ARGLU1: variants seen among roughly 807,000 people sequenced by gnomAD.
ARGLU1 encodes the protein arginine and glutamate rich 1.
ARGLU1 carries 9 observed loss-of-function variants against 37.6 expected under a neutral mutation model. The observed-to-expected ratio is 0.24, with a 90% CI of 0.14 to 0.42. ARGLU1 has a LOEUF of 0.42. Among genes scored for constraint, ARGLU1 ranks in the 10% least tolerant of loss-of-function variants. The probability of loss-of-function intolerance (pLI) is 1.00; values close to 1 mark genes in which losing one functional copy is unlikely to be tolerated. For missense variants in ARGLU1, 211 were observed against 359.2 expected, an observed-to-expected ratio of 0.59 and a Z score of 3.34; for synonymous variants, 166 against 138.5, an observed-to-expected ratio of 1.20 and a Z score of -1.39.
In ARGLU1 at chr13:106,549,149, A is replaced by T. The variant is rs180908483; in HGVS notation, c.658-4989T>A. 5.9e-5 allele frequency among the ~76,000 whole-genome samples: 9 copies of T among 152,350 alleles called. No homozygotes were observed. The South Asian group carries it at 8.3e-4, about 14-fold the overall frequency. On this transcript the variant is annotated intron_variant, in intron 3 of 3. Coordinates refer to ENST00000400198, the MANE Select transcript of ARGLU1 (RefSeq NM_018011.4). Reference sequence around the variant, plus strand: ...AACTGTCCATAAATTTAATCAAGGTAGTTCTTAGCAACAGTCCCTTTAGCA... The same window carrying T: ...AACTGTCCATAAATTTAATCAAGGTTGTTCTTAGCAACAGTCCCTTTAGCA...
intron 3 of ARGLU1, among the ~76,000 whole-genome samples, chr13:106,556,586 T>C (rs1014505190): frequency 2.0e-5 from 3 of 152,148 alleles, no homozygotes; most frequent in African/African-American, 7.2e-5. Flanking sequence ...TACCGAAGAC[T>C]CTGTATTTCT....
At chr13:106,553,381 T>C (rs1880582537) in intron 3 of ARGLU1, among the ~76,000 whole-genome samples, 1 of 152,212 alleles carries the variant, frequency 6.6e-6, no homozygotes, top group South Asian at 2.1e-4. Context: ...TCCAACAACT[T>C]GGACATTTCT....
chr13:106,565,025 T>C (rs7320955), intron 1 of ARGLU1, among the ~76,000 whole-genome samples: 48,020 of 152,042 alleles, frequency 0.32, 7,901 homozygotes, highest in African/African-American at 0.39. Context: ...CTCTTTTCCA[T>C]TCCAACAACC....
chr13:106,548,015 G>A (rs575227238), intron 3 of ARGLU1, among the ~76,000 whole-genome samples: 9 of 152,198 alleles, frequency 5.9e-5, no homozygotes, highest in Admixed American at 2.6e-4. Flanking sequence ...GATTTTCTCC[G>A]GGACTACGGC....
intron 1 of ARGLU1, 42 bp from the exon 2 acceptor site, chr13:106,559,699 TA>T: frequency 2.6e-6 from 4 of 1,558,868 alleles, no homozygotes; most frequent in Non-Finnish European, 2.6e-6. Flanking sequence ...TATTTACTTT[TA>T]AAACTATAAA....
chr13:106,542,214 C>T lies in ARGLU1; in HGVS notation c.*1782G>A, dbSNP rs937487210. On this transcript the variant is annotated 3_prime_UTR_variant, in exon 4 of 4. Transcript: ENST00000400198. ...CTCTTTAGATACAATGTTTTGAACACTTGTATAGAACAGTTTTTAAATAAA... is the reference window on the plus strand; with the variant it reads ...CTCTTTAGATACAATGTTTTGAACATTTGTATAGAACAGTTTTTAAATAAA... 3 of 151,590 alleles carry T rather than the reference C, an allele frequency of 2.0e-5. No homozygotes were observed. Among genetic ancestry groups the T allele is most frequent in the Admixed American group, 6.6e-5 (1 of 15,228 alleles). The allele number at this position is 151,590 out of a possible 1,614,324, so 9.4% of individuals were successfully genotyped here.
chr13:106,567,955 C>T lies in ARGLU1; in HGVS notation c.-36G>A. On this transcript the variant is annotated 5_prime_UTR_variant, in exon 1 of 4. Transcript: ENST00000400198. This position sits in a 1 kb window ranked among gnomAD's most constrained non-coding sequence, Gnocchi z 4.3. ...GACGCTCTAACCGCTCGCCTCAGGC[C>T]CCTCACGCGGCCAGTTCCCCTCGCC... 1 of 1,562,222 alleles carries T rather than the reference C, an allele frequency of 6.4e-7. No individual in the cohort carries two copies.
rs112577744 is a variant in ARGLU1 at position 106,552,750 on chromosome 13, A to C, written c.657+4298T>G. On this transcript the variant is annotated intron_variant, in intron 3 of 3. Coordinates refer to ENST00000400198, the MANE Select transcript of ARGLU1 (RefSeq NM_018011.4). ...CATTGTATTAACCCTTCAAATACCT[A>C]AAGATAGTTATGTGTCGCCAACACT... Among the ~76,000 whole-genome samples, 372 of 152,338 alleles carry C rather than the reference A, an allele frequency of 2.4e-3. 3 individuals carry two copies. Among genetic ancestry groups the C allele is most frequent in the Non-Finnish European group, 4.4e-3 (297 of 68,028 alleles).
chr13:106,552,379 T>C (rs913530684), intron 3 of ARGLU1, among the ~76,000 whole-genome samples: 2 of 152,200 alleles, frequency 1.3e-5, no homozygotes, highest in Non-Finnish European at 2.9e-5. Flanking sequence ...TTGACCAGTA[T>C]GTTACCTAAA....
chr13:106,564,359 T>C (rs1180340047), intron 1 of ARGLU1, among the ~76,000 whole-genome samples: 1 of 152,208 alleles, frequency 6.6e-6, no homozygotes, highest in Non-Finnish European at 1.5e-5. Flanking sequence ...AGACAGATTA[T>C]CTCCATTTCA....
intron 3 of ARGLU1, among the ~76,000 whole-genome samples, chr13:106,546,784 T>A (rs1257544975): frequency 6.6e-6 from 1 of 152,144 alleles, no homozygotes; most frequent in Admixed American, 6.5e-5. Context: ...ATAAAGAACA[T>A]CACAACCTTA....
chr13:106,567,365 CA>C lies in ARGLU1; in HGVS notation c.347+207del, dbSNP rs1880997886. Reference sequence around the variant, plus strand: ...AAGCCCTCGAATTTTCCATCCCGAACAACTTCTGGGTCTGTCCCACCCCAAG... The same window carrying C: ...AAGCCCTCGAATTTTCCATCCCGAACACTTCTGGGTCTGTCCCACCCCAAG... On this transcript the variant is annotated intron_variant, in intron 1 of 3. Coordinates refer to ENST00000400198, the MANE Select transcript of ARGLU1 (RefSeq NM_018011.4). The surrounding 1 kb of genome is among the most constrained non-coding windows in gnomAD (Gnocchi z 4.3). Among the ~76,000 whole-genome samples the C allele has an allele frequency of 6.6e-6, 1 of 152,074 alleles. No individual in the cohort carries two copies. The highest frequency in any genetic ancestry group is 2.4e-5 in the African/African-American group (1 of 41,422).
At chr13:106,549,823 A>C (rs1659103697) in intron 3 of ARGLU1, among the ~76,000 whole-genome samples, 1 of 152,230 alleles carries the variant, frequency 6.6e-6, no homozygotes. Context: ...CTGTTTCAAA[A>C]GGAGGAAGTG....
Position 106,559,732 on chromosome 13 carries a change from G to C in ARGLU1, c.348-75C>G, listed in dbSNP as rs1312675240. ...TAAATTTAAACAAAACTAGTTTTAA[G>C]TCTATCAAGCCATTGAGCCTGATAT... On this transcript the variant is annotated intron_variant, in intron 1 of 3. Coordinates refer to ENST00000400198, the MANE Select transcript of ARGLU1 (RefSeq NM_018011.4). The C allele has an allele frequency of 2.1e-6, 3 of 1,462,592 alleles. No individual in the cohort carries two copies. The Admixed American group carries it at 6.5e-5, about 32-fold the overall frequency. The allele number at this position is 1,462,592 out of a possible 1,614,324, so 90.6% of individuals were successfully genotyped here. A position where few individuals can be genotyped will look rare whatever the true frequency, so the allele number is the denominator to read the frequency against.
rs1441330720 is a variant in ARGLU1 at position 106,557,392 on chromosome 13, A to C, written c.574-261T>G. The C allele has an allele frequency of 6.8e-6, 4 of 588,326 alleles. No individual in the cohort carries two copies. The highest frequency in any genetic ancestry group is 1.1e-5 in the Non-Finnish European group (4 of 380,230). 36.4% of individuals were successfully genotyped at this position (588,326 alleles called of 1,614,324 possible). A position where few individuals can be genotyped will look rare whatever the true frequency, so the allele number is the denominator to read the frequency against. ...CCTGGCAATTATTACTAATACTTTAATATCACACAAATCAACAAGGACAAC... is the reference window on the plus strand; with the variant it reads ...CCTGGCAATTATTACTAATACTTTACTATCACACAAATCAACAAGGACAAC... On this transcript the variant is annotated intron_variant, in intron 2 of 3. Transcript: ENST00000400198. The surrounding 1 kb of genome is among the most constrained non-coding windows in gnomAD (Gnocchi z 5.0).
At position 106,565,796 on chromosome 13, in the gene ARGLU1, T is replaced by C. The variant is rs554659260; in HGVS notation, c.347+1777A>G. ...GTCCCTTCTCCCTCCTAAATACTAT[T>C]GGCAGTTTGTGTCTTCTCTCAAACC... is the stretch of plus-strand genomic sequence containing the variant. On this transcript the variant is annotated intron_variant, in intron 1 of 3. Coordinates refer to ENST00000400198, the MANE Select transcript of ARGLU1 (RefSeq NM_018011.4). Among the ~76,000 whole-genome samples, 12 of 152,322 alleles carry C rather than the reference T, an allele frequency of 7.9e-5. No homozygotes were observed. The South Asian group carries it at 2.3e-3, about 29-fold the overall frequency.
chr13:106,550,931 A>T (rs1880516968), intron 3 of ARGLU1, among the ~76,000 whole-genome samples: 1 of 152,188 alleles, frequency 6.6e-6, no homozygotes, highest in South Asian at 2.1e-4. Flanking sequence ...ACCAGTTGGC[A>T]GTTTCTGCTG....
chr13:106,559,477 G>C lies in ARGLU1; in HGVS notation c.528C>G (p.Leu176=). Residue 176 remains leucine (L), a synonymous_variant, in exon 2 of 4, where the codon CTC becomes CTG. Transcript: ENST00000400198. ...CAAGCTCAGCTTGTCTCTGTCGCTCGAGTTCTTCGAGCAACTGCTTTTCCA... is the reference window on the plus strand; with the variant it reads ...CAAGCTCAGCTTGTCTCTGTCGCTCCAGTTCTTCGAGCAACTGCTTTTCCA... ...RIMEKQLLEE[L]ERQRQAELAA... is the part of the protein sequence containing the mutation. 6.2e-7 allele frequency: 1 copy of C among 1,614,042 alleles called. No homozygotes were observed. The highest frequency in any genetic ancestry group is 8.5e-7 in the Non-Finnish European group (1 of 1,180,012).
chr13:106,567,501 G>T lies in ARGLU1; in HGVS notation c.347+72C>A. On this transcript the variant is annotated intron_variant, in intron 1 of 3. Coordinates refer to ENST00000400198, the MANE Select transcript of ARGLU1 (RefSeq NM_018011.4). The surrounding 1 kb of genome is among the most constrained non-coding windows in gnomAD (Gnocchi z 4.3). Reference sequence around the variant, plus strand: ...CCATTCTCCCGGCCCGCACCGTCCCGCCCCGGCCCCACGCCCTCGCCCCGC... The same window carrying T: ...CCATTCTCCCGGCCCGCACCGTCCCTCCCCGGCCCCACGCCCTCGCCCCGC... 2 of 1,128,294 alleles carry T rather than the reference G, an allele frequency of 1.8e-6. No individual in the cohort carries two copies. Among genetic ancestry groups the T allele is most frequent in the Non-Finnish European group, 1.3e-6 (1 of 764,646 alleles). 69.9% of individuals were successfully genotyped at this position (1,128,294 alleles called of 1,614,324 possible).
Sources: gnomAD v4.1 joint callset for allele counts (sites outside exome capture counted in the v4.1 genomes callset) on GRCh38, gnomAD v4.1.1 for gene constraint, Gnocchi (gnomAD v3.1) non-coding constraint, MANE v1.5 for transcripts, NCBI Gene and HGNC (gene_info 2026-07-23, HGNC 2026-07-21) for gene names.